The following MTUS2 variants were observed in gnomAD, a reference collection of about 807,000 sequenced individuals.
MTUS2 encodes the protein microtubule associated scaffold protein 2, also known as microtubule-associated tumor suppressor candidate 2.
A neutral mutation model predicts 114.1 loss-of-function variants in MTUS2; 40 were observed. That is an observed-to-expected ratio of 0.35 (90% CI 0.27 to 0.46). The LOEUF is 0.46. Among genes scored for constraint, MTUS2 ranks in the 20% least tolerant of loss-of-function variants. The pLI is 1.00. For missense variants in MTUS2, 1,679 were observed against 1,705.4 expected (o/e 0.98, Z 0.27); for synonymous variants, 688 against 672.0 (o/e 1.02, Z -0.37).
chr13:29,216,089 A>C (rs1435689718), intron 5 of MTUS2, among the ~76,000 whole-genome samples: 1 of 152,166 alleles, frequency 6.6e-6, no homozygotes, highest in African/African-American at 2.4e-5. Context: ...GTGAGGAGGA[A>C]TCTAGAGAGG....
At position 29,296,382 on chromosome 13, in the gene MTUS2, T is replaced by A. The variant is rs188171208; in HGVS notation, c.2806+14517T>A. Reference sequence around the variant, plus strand: ...ACCATGCTTGGCCAATTAAAAAAAATTTTTTTTTTGTAGAGATGGGGTCTT... The same window carrying A: ...ACCATGCTTGGCCAATTAAAAAAAAATTTTTTTTTGTAGAGATGGGGTCTT... On this transcript the variant is annotated intron_variant, in intron 6 of 15. Coordinates refer to ENST00000612955, the MANE Select transcript of MTUS2 (RefSeq NM_001033602.4). 5.9e-3 allele frequency among the ~76,000 whole-genome samples: 894 copies of A among 150,526 alleles called. 7 individuals carry two copies. The highest frequency in any genetic ancestry group is 0.02 in the African/African-American group (820 of 41,088).
intron 9 of MTUS2, among the ~76,000 whole-genome samples, chr13:29,450,256 G>T (rs140105890): frequency 2.0e-5 from 3 of 152,050 alleles, no homozygotes; most frequent in Admixed American, 2.0e-4. Flanking sequence ...TTTTTTTCTC[G>T]TTGGTGACCT....
intron 5 of MTUS2, among the ~76,000 whole-genome samples, chr13:29,219,061 C>T (rs1462935678): frequency 6.8e-5 from 10 of 147,968 alleles, no homozygotes; most frequent in Non-Finnish European, 1.5e-4. Flanking sequence ...CATGCTGGTG[C>T]GCTGCACCCG....
chr13:28,899,619 C>G (rs1879515023), intron 2 of MTUS2, among the ~76,000 whole-genome samples: 1 of 152,024 alleles, frequency 6.6e-6, no homozygotes. Flanking sequence ...ACCCTGTTAG[C>G]CAGGATGGTC....
intron 8 of MTUS2, among the ~76,000 whole-genome samples, chr13:29,417,140 G>A (rs1251988345): frequency 1.3e-5 from 2 of 152,172 alleles, no homozygotes; most frequent in African/African-American, 2.4e-5. Context: ...ACCTCAGAAA[G>A]CTTACAATCA....
At position 29,026,742 on chromosome 13, in the gene MTUS2, G is replaced by A; in HGVS notation, c.2044G>A (p.Glu682Lys). 6.2e-7 allele frequency: 1 copy of A among 1,613,976 alleles called. No individual in the cohort carries two copies. Among genetic ancestry groups the A allele is most frequent in the Non-Finnish European group, 8.5e-7 (1 of 1,179,886 alleles). Residue 682 changes from glutamate to lysine, a missense_variant, in exon 3 of 16, where the codon GAG becomes AAG. Transcript: ENST00000612955. ...PTCTMPLPHEEKAAGGDLKPS... is the reference protein window; with the variant it reads ...PTCTMPLPHEKKAAGGDLKPS... ...ATGTACCATGCCTCTTCCCCACGAAGAGAAGGCAGCAGGTGGTGACCTGAA... is the reference window on the plus strand; with the variant it reads ...ATGTACCATGCCTCTTCCCCACGAAAAGAAGGCAGCAGGTGGTGACCTGAA...
At chr13:29,209,715 T>C (rs1275173658) in intron 5 of MTUS2, among the ~76,000 whole-genome samples, 2 of 152,212 alleles carry the variant, frequency 1.3e-5, no homozygotes, top group African/African-American at 4.8e-5. Context: ...ACAAAACTCT[T>C]GGCTGACAAA....
At chr13:28,884,849 T>C (rs1431839343) in intron 2 of MTUS2, among the ~76,000 whole-genome samples, 1 of 152,200 alleles carries the variant, frequency 6.6e-6, no homozygotes, top group Non-Finnish European at 1.5e-5. Flanking sequence ...TTGTTTATTT[T>C]TGAGACAAGC....
intron 5 of MTUS2, among the ~76,000 whole-genome samples, chr13:29,151,405 A>T (rs563305776): frequency 2.6e-5 from 4 of 152,308 alleles, no homozygotes; most frequent in Non-Finnish European, 5.9e-5. Context: ...CAGAAACTTT[A>T]ATGAAGATGT....
chr13:28,891,948 C>T (rs1167485440), intron 2 of MTUS2, among the ~76,000 whole-genome samples: 10 of 150,690 alleles, frequency 6.6e-5, no homozygotes. Context: ...TCTATTTGGT[C>T]TAGCTTCTCC....
chr13:29,194,904 A>G (rs981298407), intron 5 of MTUS2, among the ~76,000 whole-genome samples: 44 of 149,742 alleles, frequency 2.9e-4, no homozygotes, highest in African/African-American at 1.0e-3. Context: ...ACCATGGAAT[A>G]CTATGCAGCC....
intron 5 of MTUS2, among the ~76,000 whole-genome samples, chr13:29,281,155 A>G (rs1422654708): frequency 6.6e-6 from 1 of 152,060 alleles, no homozygotes; most frequent in Non-Finnish European, 1.5e-5. Flanking sequence ...TCTCGTCCCC[A>G]TGCTCTCTAC....
chr13:29,360,457 T>C (rs1423407980), intron 8 of MTUS2, among the ~76,000 whole-genome samples: 2 of 152,182 alleles, frequency 1.3e-5, no homozygotes, highest in Non-Finnish European at 2.9e-5. Flanking sequence ...GTTATTATTT[T>C]TGTTTGTTTA....
At chr13:29,131,482 T>C (rs988148362) in intron 5 of MTUS2, among the ~76,000 whole-genome samples, 2 of 152,228 alleles carry the variant, frequency 1.3e-5, no homozygotes, top group African/African-American at 4.8e-5. Flanking sequence ...GTGGGGGCCA[T>C]TGAGGCCCAG....
At chr13:28,894,863 T>C (rs1340500282) in intron 2 of MTUS2, among the ~76,000 whole-genome samples, 3 of 152,228 alleles carry the variant, frequency 2.0e-5, no homozygotes, top group Non-Finnish European at 2.9e-5. Context: ...TGTGTTTTAC[T>C]AGCTTCATGT....
chr13:29,249,526 A>G (rs1345775137), intron 5 of MTUS2, among the ~76,000 whole-genome samples: 1 of 152,142 alleles, frequency 6.6e-6, no homozygotes. Flanking sequence ...ATGGTATCTC[A>G]TTATGGTTTT....
At chr13:29,366,028 G>A (rs948307210) in intron 8 of MTUS2, among the ~76,000 whole-genome samples, 7 of 152,138 alleles carry the variant, frequency 4.6e-5, no homozygotes, top group Admixed American at 2.6e-4. Flanking sequence ...GTTACTAAGG[G>A]TCCAGTTTCA....
At chr13:29,157,777 GATAT>G (rs943297388) in intron 5 of MTUS2, among the ~76,000 whole-genome samples, 4 of 151,566 alleles carry the variant, frequency 2.6e-5, no homozygotes, top group Admixed American at 1.3e-4. Context: ...CCTAGGTTAG[GATAT>G]ATATATATAG....
At chr13:28,939,285 C>A (rs757622025) in intron 2 of MTUS2, among the ~76,000 whole-genome samples, 1 of 152,170 alleles carries the variant, frequency 6.6e-6, no homozygotes, top group Non-Finnish European at 1.5e-5. Flanking sequence ...TCTTTACAGC[C>A]ACTGCAGAAC....
Sources: allele counts gnomAD v4.1 joint callset (sites outside exome capture counted in the v4.1 genomes callset), GRCh38; gene constraint gnomAD v4.1.1; transcripts MANE v1.5; gene names NCBI Gene and HGNC (gene_info 2026-07-23, HGNC 2026-07-21).